EPHA5: variants seen among roughly 807,000 people sequenced by gnomAD.
The protein encoded by EPHA5 is EPH receptor A5, also known as ephrin type-A receptor 5.
In EPHA5, 60 loss-of-function variants were observed where a neutral mutation model predicts 105.0. The ratio of observed to expected loss-of-function variants is 0.57; its 90% CI spans 0.46 to 0.71. EPHA5 has a LOEUF of 0.71. Among genes scored for constraint, EPHA5 ranks in the 30% least tolerant of loss-of-function variants. EPHA5 has a pLI of 0.00. For missense variants in EPHA5, 1,218 were observed against 1,274.7 expected, an observed-to-expected ratio of 0.96 and a Z score of 0.68; for synonymous variants, 513 against 449.1, an observed-to-expected ratio of 1.14 and a Z score of -1.80.
At chr4:65,564,966 A>G (rs1447419033) in intron 3 of EPHA5, among the ~76,000 whole-genome samples, 2 of 151,746 alleles carry the variant, frequency 1.3e-5, no homozygotes, top group Non-Finnish European at 3.0e-5. Context: ...GAAATCTTAT[A>G]GTAGTCTATA....
At chr4:65,532,688 T>G (rs1193489642) in intron 3 of EPHA5, among the ~76,000 whole-genome samples, 2 of 83,134 alleles carry the variant, frequency 2.4e-5, no homozygotes, top group Middle Eastern at 6.2e-3. Context: ...TTTTTTTTTT[T>G]GTAACTCCCT....
At chr4:65,464,423 T>C (rs1728420743) in intron 5 of EPHA5, among the ~76,000 whole-genome samples, 1 of 152,086 alleles carries the variant, frequency 6.6e-6, no homozygotes, top group Admixed American at 6.5e-5. Context: ...GGCACTTTTA[T>C]TTTAAGGCAC....
chr4:65,412,100 T>A (rs1421965344), intron 7 of EPHA5, among the ~76,000 whole-genome samples: 1 of 152,012 alleles, frequency 6.6e-6, no homozygotes, highest in Non-Finnish European at 1.5e-5. Flanking sequence ...TGGTGGTGCA[T>A]GCCTGTGATC....
At chr4:65,340,282 G>GAT (rs369923487) in intron 14 of EPHA5, among the ~76,000 whole-genome samples, 7 of 151,982 alleles carry the variant, frequency 4.6e-5, no homozygotes, top group South Asian at 2.1e-4. Context: ...TTCATGTTGC[G>GAT]ATATATATAT....
intron 3 of EPHA5, among the ~76,000 whole-genome samples, chr4:65,509,794 C>T (rs1045132259): frequency 3.9e-5 from 6 of 152,198 alleles, no homozygotes; most frequent in African/African-American, 1.4e-4. Flanking sequence ...CAGATCATTT[C>T]ATTAGCATAA....
In EPHA5 at chr4:65,351,476, T is replaced by C. The variant is rs1179283744; in HGVS notation, c.2358A>G (p.Leu786=). The change falls in exon 13 of 17, where the codon TTA becomes TTG. Residue 786 remains leucine, a synonymous_variant. Coordinates refer to ENST00000613740, the MANE Select transcript of EPHA5 (RefSeq NM_001281766.3). ...VHRDLAARNI[L]INSNLVCKVS... ...CTTTGCACACAAGGTTACTGTTGATTAAGATGTTTCTGGCAGCAAGATCTC... is the reference window on the plus strand; with the variant it reads ...CTTTGCACACAAGGTTACTGTTGATCAAGATGTTTCTGGCAGCAAGATCTC... 1.2e-6 allele frequency: 2 copies of C among 1,613,688 alleles called. No homozygotes were observed. Among genetic ancestry groups the C allele is most frequent in the Admixed American group, 1.7e-5 (1 of 59,922 alleles).
chr4:65,651,203 C>T (rs1748579042), intron 1 of EPHA5, among the ~76,000 whole-genome samples: 1 of 152,118 alleles, frequency 6.6e-6, no homozygotes, highest in Non-Finnish European at 1.5e-5. Context: ...GCAAAGCTTT[C>T]AGATTAAGGT....
intron 8 of EPHA5, among the ~76,000 whole-genome samples, chr4:65,392,975 G>A (rs1228481727): frequency 6.6e-6 from 1 of 152,134 alleles, no homozygotes; most frequent in Admixed American, 6.6e-5. Flanking sequence ...GTGGCTGAAA[G>A]TGTTAAATTC....
In EPHA5 at chr4:65,377,685, A is replaced by C. The variant is rs148382980; in HGVS notation, c.1794-10261T>G. 5.3e-5 allele frequency among the ~76,000 whole-genome samples: 8 copies of C among 152,136 alleles called. No homozygotes were observed. The East Asian group carries it at 1.6e-3, about 30-fold the overall frequency. ...CAGTTGCTATATAAAAAAGCAAACT[A>C]TACAGAATACATGCATTTTTCCAGA... On this transcript the variant is annotated intron_variant, in intron 8 of 16. Coordinates refer to ENST00000613740, the MANE Select transcript of EPHA5 (RefSeq NM_001281766.3).
At chr4:65,582,431 C>G (rs887734130) in intron 3 of EPHA5, among the ~76,000 whole-genome samples, 10 of 149,124 alleles carry the variant, frequency 6.7e-5, no homozygotes, top group African/African-American at 2.5e-4. Context: ...ATGGCAAAGA[C>G]TCAATCATTT....
intron 8 of EPHA5, among the ~76,000 whole-genome samples, chr4:65,402,674 G>A (rs1721963250): frequency 6.6e-6 from 1 of 151,924 alleles, no homozygotes; most frequent in South Asian, 2.1e-4. Context: ...TATAACTAAT[G>A]TTTATTTAAT....
chr4:65,472,636 G>A (rs1729402691), intron 5 of EPHA5, among the ~76,000 whole-genome samples: 1 of 152,204 alleles, frequency 6.6e-6, no homozygotes, highest in Non-Finnish European at 1.5e-5. Context: ...GGTGCAAGCT[G>A]TACCTTGGCA....
At chr4:65,353,287 ATTTTAATATATTTAATATTTTAAAAACAT>A (rs1479871860) in intron 11 of EPHA5, among the ~76,000 whole-genome samples, 184 bp from the exon 12 acceptor site, 11 of 147,256 alleles carry the variant, frequency 7.5e-5, no homozygotes, top group East Asian at 2.0e-4. Flanking sequence ...ATTTAAAAAT[ATTTTAATATATTTAATATTTTAAAAACAT>A]TTTTAATATA....
chr4:65,354,802 C>A (rs1723144113), intron 11 of EPHA5, among the ~76,000 whole-genome samples: 1 of 151,660 alleles, frequency 6.6e-6, no homozygotes, highest in Non-Finnish European at 1.5e-5. Context: ...GTTTTAGTCC[C>A]ATATCACTTA....
chr4:65,565,650 T>C (rs1486639099), intron 3 of EPHA5, among the ~76,000 whole-genome samples: 1 of 151,100 alleles, frequency 6.6e-6, no homozygotes, highest in African/African-American at 2.4e-5. Flanking sequence ...AATTTGAATA[T>C]GTGCAAGGCA....
chr4:65,464,543 C>A (rs1560565649), intron 5 of EPHA5, among the ~76,000 whole-genome samples: 1 of 152,002 alleles, frequency 6.6e-6, no homozygotes, highest in Non-Finnish European at 1.5e-5. Context: ...GATGTAACAA[C>A]TTGTAAAATA....
At chr4:65,527,836 C>T (rs1409834300) in intron 3 of EPHA5, among the ~76,000 whole-genome samples, 1 of 152,042 alleles carries the variant, frequency 6.6e-6, no homozygotes, top group Non-Finnish European at 1.5e-5. Flanking sequence ...GATTCTCTCC[C>T]TCCTCCCATT....
intron 8 of EPHA5, among the ~76,000 whole-genome samples, chr4:65,369,098 T>A (rs1718206078): frequency 6.6e-6 from 1 of 152,164 alleles, no homozygotes; most frequent in Non-Finnish European, 1.5e-5. Context: ...GGCAACAAAT[T>A]TTATTCATCT....
At chr4:65,527,680 A>G (rs1238491944) in intron 3 of EPHA5, among the ~76,000 whole-genome samples, 1 of 152,048 alleles carries the variant, frequency 6.6e-6, no homozygotes, top group Non-Finnish European at 1.5e-5. Context: ...GGGTATCTTT[A>G]TTAATATTAT....
Sources: allele counts gnomAD v4.1 joint callset (sites outside exome capture counted in the v4.1 genomes callset), GRCh38; gene constraint gnomAD v4.1.1; transcripts MANE v1.5; gene names NCBI Gene and HGNC (gene_info 2026-07-23, HGNC 2026-07-21).